PMS2: variants seen among roughly 807,000 people sequenced by gnomAD.
PMS2 encodes PMS1 homolog 2, mismatch repair system component, also known as mismatch repair endonuclease PMS2.
In PMS2, 69 loss-of-function variants were observed where a neutral mutation model predicts 90.0. That is an observed-to-expected ratio of 0.77 (90% CI 0.63 to 0.94). The LOEUF (loss-of-function observed/expected upper bound fraction) is 0.94, where lower values mean the gene tolerates loss of function less well. Ranked by LOEUF, PMS2 falls within the 40% of genes least tolerant of loss-of-function variation. PMS2 has a pLI of 0.00. For missense variants in PMS2, 966 were observed against 1,040.2 expected (o/e 0.93, Z 0.98); for synonymous variants, 332 against 375.1 (o/e 0.89, Z 1.33).
rs186448384 is a variant in PMS2, at chr7:5,991,999, A to G, written c.962T>C (p.Val321Ala). 15 of 1,597,510 alleles carry G rather than the reference A, an allele frequency of 9.4e-6. No individual in the cohort carries two copies. The East Asian group carries it at 2.9e-4, about 31-fold the overall frequency. Residue 321 changes from valine to alanine, a missense_variant, in exon 9 of 15, where the codon GTT becomes GCT. Val to Ala is a moderately conservative substitution (Grantham distance 64). This residue lies in a region of PMS2 where 871 missense variants were observed against 802.4 expected (regional missense o/e 1.09). Transcript: ENST00000265849. ...TGAATCAACAGAAATGTTAAGAACA[A>G]CAAATGGATACTGGTGTCGATTATA... is the stretch of plus-strand genomic sequence containing the variant. ...HMYNRHQYPF[V>A]VLNISVDSEC... is the part of the protein sequence containing the mutation.
chr7:6,005,585 C>A (rs1245867456), intron 2 of PMS2, among the ~76,000 whole-genome samples: 1 of 152,216 alleles, frequency 6.6e-6, no homozygotes, highest in East Asian at 1.9e-4. Context: ...AATTCCCCCA[C>A]CTCGGCCTCT....
intron 8 of PMS2, among the ~76,000 whole-genome samples, chr7:5,994,671 G>A (rs905811427): frequency 6.6e-6 from 1 of 151,826 alleles, no homozygotes; most frequent in Non-Finnish European, 1.5e-5. Flanking sequence ...AGCTACTCGG[G>A]AGGCTGAGGC....
intron 5 of PMS2, among the ~76,000 whole-genome samples, chr7:6,001,043 GT>G (rs1785034066): frequency 6.6e-6 from 1 of 152,080 alleles, no homozygotes; most frequent in Non-Finnish European, 1.5e-5. Flanking sequence ...AGTAAAAAAA[GT>G]TTTTAGCTGC....
At chr7:6,002,419 A>G (rs772460483) in intron 5 of PMS2, 34 bp downstream of exon 5, 3 of 1,381,798 alleles carry the variant, frequency 2.2e-6, no homozygotes, top group Non-Finnish European at 3.1e-6. Flanking sequence ...TGCATTAACC[A>G]ATACTCTTGA....
intron 12 of PMS2, among the ~76,000 whole-genome samples, chr7:5,980,938 C>T (rs1782216935): frequency 6.6e-6 from 1 of 151,420 alleles, no homozygotes; most frequent in African/African-American, 2.4e-5. Flanking sequence ...CAGGAGAGTA[C>T]TCAGTAAACT....
rs114090343 is a variant in PMS2 at position 6,002,611 on chromosome 7, C to G, written c.379G>C (p.Ala127Pro). 6.2e-7 allele frequency: 1 copy of G among 1,611,764 alleles called. No individual in the cohort carries two copies. Among genetic ancestry groups the G allele is most frequent in the Non-Finnish European group, 8.5e-7 (1 of 1,179,664 alleles). The change falls in exon 5 of 15, where the codon GCA (alanine) becomes CCA (proline). Residue 127 changes from alanine to proline, a missense_variant. By Grantham distance (27) the Ala-to-Pro change is conservative (BLOSUM62 -1). Coordinates refer to ENST00000265849, the MANE Select transcript of PMS2 (RefSeq NM_000535.7). ...LSDVTISTCH[A>P]SAKVGTRLMF... Reference sequence around the variant, plus strand: ...AGTCGAGTTCCAACCTTCGCCGATGCGTGGCAGGTAGAAATGGTGACATCG... The same window carrying G: ...AGTCGAGTTCCAACCTTCGCCGATGGGTGGCAGGTAGAAATGGTGACATCG...
At chr7:5,993,355 A>AG (rs1783975095) in intron 8 of PMS2, among the ~76,000 whole-genome samples, 1 of 131,220 alleles carries the variant, frequency 7.6e-6, no homozygotes, top group South Asian at 2.7e-4. Flanking sequence ...TGGGCGACAG[A>AG]GCTAGACTCC....
chr7:5,994,471 A>G (rs771783200), intron 8 of PMS2, among the ~76,000 whole-genome samples: 12 of 151,870 alleles, frequency 7.9e-5, no homozygotes, highest in Non-Finnish European at 1.5e-4. Context: ...TGATAAACCC[A>G]TAAGTTAAAA....
chr7:6,003,645 G>C (rs780702072), intron 4 of PMS2, 45 bp downstream of exon 4: 1 of 962,096 alleles, frequency 1.0e-6, no homozygotes, highest in Non-Finnish European at 1.7e-6. Context: ...TTTTCAGAGA[G>C]GTTTCTCTAA....
intron 10 of PMS2, among the ~76,000 whole-genome samples, chr7:5,988,052 C>CAA (rs10543125): frequency 7.3e-5 from 3 of 41,120 alleles, no homozygotes; most frequent in African/African-American, 2.0e-4. Context: ...CACTCTGTCT[C>CAA]AAAAAAAAAA....
At chr7:6,006,412 G>C (rs1253041550) in intron 1 of PMS2, among the ~76,000 whole-genome samples, 1 of 152,184 alleles carries the variant, frequency 6.6e-6, no homozygotes, top group African/African-American at 2.4e-5. Context: ...AGCACTTTGG[G>C]AAGCAGAGAT....
At chr7:5,985,557 CTTTTTTT>C (rs898216216) in intron 11 of PMS2, among the ~76,000 whole-genome samples, 6 of 115,796 alleles carry the variant, frequency 5.2e-5, no homozygotes, top group African/African-American at 1.6e-4. Context: ...TTTTCTTTTT[CTTTTTTT>C]TTTTTTTGAG....
intron 7 of PMS2, 46 bp from the exon 8 acceptor site, chr7:5,995,679 G>T: frequency 1.6e-6 from 2 of 1,273,052 alleles, no homozygotes; most frequent in East Asian, 2.3e-5. Context: ...GAGTGAAAGG[G>T]ATTAGAAATA....
intron 6 of PMS2, among the ~76,000 whole-genome samples, chr7:5,997,971 AT>A (rs538355092): frequency 1.3e-5 from 2 of 151,796 alleles, no homozygotes; most frequent in Admixed American, 1.3e-4. Context: ...AATAACTTAT[AT>A]TTTTTTCAGA....
intron 8 of PMS2, among the ~76,000 whole-genome samples, chr7:5,993,964 T>C (rs2128766330): frequency 6.7e-6 from 1 of 150,222 alleles, no homozygotes; most frequent in Middle Eastern, 3.5e-3. Context: ...TTTCTTCAAA[T>C]AGTTTTAGTT....
rs1258290392 is a variant in PMS2, at chr7:5,991,430, T to C, written c.988+543A>G. 6.6e-5 allele frequency among the ~76,000 whole-genome samples: 10 copies of C among 151,664 alleles called. No individual in the cohort carries two copies. In the Admixed American group the frequency reaches 6.6e-4, roughly 10 times the overall value. On this transcript the variant is annotated intron_variant, in intron 9 of 14. Transcript: ENST00000265849. ...ATATGAAATGAATTATTTATGAAAT[T>C]AGGAAGAACATTTCATCTACTTTCT...
At chr7:6,000,417 T>G (rs554909121) in intron 5 of PMS2, among the ~76,000 whole-genome samples, 40 of 150,038 alleles carry the variant, frequency 2.7e-4, no homozygotes, top group African/African-American at 8.8e-4. Flanking sequence ...TTCAACCACA[T>G]ACAATTCTGT....
At chr7:5,989,734 G>A (rs2128746322) in intron 10 of PMS2, 66 bp downstream of exon 10, 1 of 1,276,954 alleles carries the variant, frequency 7.8e-7, no homozygotes. Flanking sequence ...AAGTTTACTT[G>A]GAAAAAATAA....
At chr7:5,989,081 A>C (rs1485162443) in intron 10 of PMS2, among the ~76,000 whole-genome samples, 1 of 152,012 alleles carries the variant, frequency 6.6e-6, no homozygotes, top group East Asian at 1.9e-4. Flanking sequence ...CGATCTCCTG[A>C]CCTCGTGAGC....
Sources: allele counts gnomAD v4.1 joint callset (sites outside exome capture counted in the v4.1 genomes callset), GRCh38; gene constraint gnomAD v4.1.1; regional missense constraint gnomAD v4.1.1; transcripts MANE v1.5; gene names NCBI Gene and HGNC (gene_info 2026-07-23, HGNC 2026-07-21).